NHLRC2: variants seen among roughly 807,000 people sequenced by gnomAD.
NHLRC2 encodes NHL repeat-containing protein 2.
Under a neutral mutation model 68.1 loss-of-function variants are expected in NHLRC2, and 33 were observed. That is an observed-to-expected ratio of 0.48 (90% CI 0.37 to 0.65). The LOEUF is 0.65. Among genes scored for constraint, NHLRC2 ranks in the 30% least tolerant of loss-of-function variants. The pLI is 0.00. For missense variants in NHLRC2, 761 were observed against 853.8 expected, an observed-to-expected ratio of 0.89 and a Z score of 1.35; for synonymous variants, 311 against 309.6, an observed-to-expected ratio of 1.00 and a Z score of -0.05.
At chr10:113,903,397 A>G (rs1846245098) in intron 8 of NHLRC2, 130 bp from the exon 9 acceptor site, 5 of 657,184 alleles carry the variant, frequency 7.6e-6, no homozygotes, top group South Asian at 5.2e-5. Context: ...GGAAATAACT[A>G]TTCCTTTTGT....
chr10:113,895,084 G>A (rs1188000941), intron 5 of NHLRC2, among the ~76,000 whole-genome samples: 2 of 152,108 alleles, frequency 1.3e-5, no homozygotes, highest in Non-Finnish European at 2.9e-5. Flanking sequence ...TTTTTAGGGT[G>A]GGCTGCCACT....
intron 4 of NHLRC2, among the ~76,000 whole-genome samples, chr10:113,882,873 G>A (rs901654581): frequency 6.6e-6 from 1 of 151,800 alleles, no homozygotes; most frequent in Non-Finnish European, 1.5e-5. Context: ...TGTATATGGT[G>A]TGAAGTAGGG....
rs1397973087 is a variant in NHLRC2, at chr10:113,910,010, A to G, written c.*1474A>G. Reference sequence around the variant, plus strand: ...GAAGTAAGGATGTATAAATCATGACATTGATTTAATTAGTCATCTACTGAA... The same window carrying G: ...GAAGTAAGGATGTATAAATCATGACGTTGATTTAATTAGTCATCTACTGAA... On this transcript the variant is annotated 3_prime_UTR_variant, in exon 11 of 11. Transcript: ENST00000369301. 1.3e-5 allele frequency: 2 copies of G among 152,212 alleles called. No individual in the cohort carries two copies. Among genetic ancestry groups the G allele is most frequent in the Non-Finnish European group, 2.9e-5 (2 of 68,034 alleles). 9.4% of individuals were successfully genotyped at this position (152,212 alleles called of 1,614,324 possible).
intron 2 of NHLRC2, among the ~76,000 whole-genome samples, chr10:113,865,005 A>C (rs951639966): frequency 6.6e-6 from 1 of 150,446 alleles, no homozygotes; most frequent in Non-Finnish European, 1.5e-5. Flanking sequence ...GCTGGAGTGC[A>C]ATGGCGCCAT....
intron 2 of NHLRC2, among the ~76,000 whole-genome samples, chr10:113,859,426 G>C (rs1845794966): frequency 6.6e-6 from 1 of 152,146 alleles, no homozygotes; most frequent in Non-Finnish European, 1.5e-5. Context: ...CACCGATCCT[G>C]TGTTAGTAAA....
At chr10:113,874,753 TTCTC>T (rs953735260) in intron 2 of NHLRC2, among the ~76,000 whole-genome samples, 3 of 152,204 alleles carry the variant, frequency 2.0e-5, no homozygotes, top group Admixed American at 6.5e-5. Flanking sequence ...TCAATCTTCT[TTCTC>T]TCTTTATGTT....
chr10:113,901,246 A>G (rs991502450), intron 6 of NHLRC2, among the ~76,000 whole-genome samples: 2 of 152,192 alleles, frequency 1.3e-5, no homozygotes, highest in African/African-American at 2.4e-5. Context: ...ATGAAAATTG[A>G]AGCTTTAAAC....
chr10:113,910,052 AATATAG>A lies in NHLRC2; in HGVS notation c.*1522_*1527del. Reference sequence around the variant, plus strand: ...TCTACTGAAGCTACTTTTAAAGAGAAATATAGATATAAAATTAAAAGGAATCCTGTT... The same window carrying A: ...TCTACTGAAGCTACTTTTAAAGAGAAATATAAAATTAAAAGGAATCCTGTT... On this transcript the variant is annotated 3_prime_UTR_variant, in exon 11 of 11. Transcript: ENST00000369301. 1 of 152,340 alleles carries A rather than the reference AATATAG, an allele frequency of 6.6e-6. No homozygotes were observed. Among genetic ancestry groups the A allele is most frequent in the East Asian group, 1.9e-4 (1 of 5,190 alleles). 9.4% of individuals were successfully genotyped at this position (152,340 alleles called of 1,614,324 possible). A position where few individuals can be genotyped will look rare whatever the true frequency, so the allele number is the denominator to read the frequency against.
chr10:113,865,046 T>G (rs1845852339), intron 2 of NHLRC2, among the ~76,000 whole-genome samples: 2 of 149,482 alleles, frequency 1.3e-5, no homozygotes, highest in Admixed American at 6.7e-5. Context: ...GCCTCCCGGG[T>G]TCAAGCGATT....
chr10:113,912,301 C>T lies in NHLRC2; in HGVS notation c.*3765C>T, dbSNP rs1247839120. 1 of 152,184 alleles carries T rather than the reference C, an allele frequency of 6.6e-6. No homozygotes were observed. Among genetic ancestry groups the T allele is most frequent in the Admixed American group, 6.5e-5 (1 of 15,278 alleles). The allele number at this position is 152,184 out of a possible 1,614,324, so 9.4% of individuals were successfully genotyped here. On this transcript the variant is annotated 3_prime_UTR_variant, in exon 11 of 11. Transcript: ENST00000369301. ...TAATGATAATTTGGGACCATAAACACATATCACCCTACATTTTCTTTGCAA... is the reference window on the plus strand; with the variant it reads ...TAATGATAATTTGGGACCATAAACATATATCACCCTACATTTTCTTTGCAA...
Position 113,910,250 on chromosome 10 carries a change from G to A in NHLRC2, c.*1714G>A, listed in dbSNP as rs1846314220. ...AGTCTGGCTCTGTAGCCCAGGCTGGGAGGGCAGTGGCGCGATCTTGGCTCA... is the reference window on the plus strand; with the variant it reads ...AGTCTGGCTCTGTAGCCCAGGCTGGAAGGGCAGTGGCGCGATCTTGGCTCA... On this transcript the variant is annotated 3_prime_UTR_variant, in exon 11 of 11. Transcript: ENST00000369301. 1 of 152,216 alleles carries A rather than the reference G, an allele frequency of 6.6e-6. No homozygotes were observed. The highest frequency in any genetic ancestry group is 2.4e-5 in the African/African-American group (1 of 41,432). The allele number at this position is 152,216 out of a possible 1,614,324, so 9.4% of individuals were successfully genotyped here.
chr10:113,869,601 T>G (rs1845903270), intron 2 of NHLRC2, among the ~76,000 whole-genome samples: 1 of 152,164 alleles, frequency 6.6e-6, no homozygotes, highest in Non-Finnish European at 1.5e-5. Flanking sequence ...GGAATCTCCT[T>G]CAGCGTTCTC....
chr10:113,877,076 T>C, intron 3 of NHLRC2, 100 bp downstream of exon 3: 1 of 716,440 alleles, frequency 1.4e-6, no homozygotes, highest in African/African-American at 1.8e-5. Flanking sequence ...AAACTAATTA[T>C]AGAAAAGTGA....
intron 5 of NHLRC2, among the ~76,000 whole-genome samples, chr10:113,891,273 T>C (rs956823395): frequency 6.6e-6 from 1 of 152,220 alleles, no homozygotes; most frequent in African/African-American, 2.4e-5. Context: ...CTAGGTTCTT[T>C]AACATACTAT....
rs377097595 is a variant in NHLRC2, at chr10:113,876,990, C to T, written c.787+14C>T. ...ATAGCATTGGAGGTAAAACTTGCTTCTGATTACGATAGATAACGTGTTTTA... is the reference window on the plus strand; with the variant it reads ...ATAGCATTGGAGGTAAAACTTGCTTTTGATTACGATAGATAACGTGTTTTA... On this transcript the variant is annotated intron_variant, in intron 3 of 10. Transcript: ENST00000369301. 2 of 1,472,672 alleles carry T rather than the reference C, an allele frequency of 1.4e-6. No individual in the cohort carries two copies. The highest frequency in any genetic ancestry group is 1.8e-6 in the Non-Finnish European group (2 of 1,085,016). 91.2% of individuals were successfully genotyped at this position (1,472,672 alleles called of 1,614,324 possible).
At position 113,903,593 on chromosome 10, in the gene NHLRC2, G is replaced by A. The variant is rs1385043415; in HGVS notation, c.1561G>A (p.Val521Ile). ...AGCAGGAACTGGAGACACAAATAATGTTACCAGTTCCAGTTTTACAGAGTC... is the reference window on the plus strand; with the variant it reads ...AGCAGGAACTGGAGACACAAATAATATTACCAGTTCCAGTTTTACAGAGTC... ...TLAGTGDTNN[V>I]TSSSFTESTF... is the part of the protein sequence containing the mutation. Residue 521 changes from valine (V) to isoleucine (I), a missense_variant, in exon 9 of 11, where the codon GTT (valine) becomes ATT (isoleucine). Transcript: ENST00000369301. 1.2e-6 allele frequency: 2 copies of A among 1,612,790 alleles called. No individual in the cohort carries two copies. The highest frequency in any genetic ancestry group is 4.5e-5 in the East Asian group (2 of 44,776).
intron 2 of NHLRC2, among the ~76,000 whole-genome samples, chr10:113,873,194 A>G (rs1347089218): frequency 2.0e-5 from 3 of 152,204 alleles, no homozygotes; most frequent in Non-Finnish European, 4.4e-5. Flanking sequence ...TCCTTCAAGA[A>G]TCAATCAAGG....
chr10:113,865,396 GT>G (rs1845857250), intron 2 of NHLRC2, among the ~76,000 whole-genome samples: 10 of 150,606 alleles, frequency 6.6e-5, no homozygotes, highest in Admixed American at 6.0e-4. Flanking sequence ...ACTGACTAGT[GT>G]TTTTCTGTAT....
chr10:113,890,432 G>T (rs1846120618), intron 5 of NHLRC2, among the ~76,000 whole-genome samples: 1 of 151,902 alleles, frequency 6.6e-6, no homozygotes, highest in African/African-American at 2.4e-5. Context: ...TTGCTTTCAA[G>T]ATTTTATCTT....
Sources: gnomAD v4.1 joint callset for allele counts (sites outside exome capture counted in the v4.1 genomes callset) on GRCh38, gnomAD v4.1.1 for gene constraint, MANE v1.5 for transcripts, NCBI Gene and HGNC (gene_info 2026-07-23, HGNC 2026-07-21) for gene names.